Variants in RHBDD1 observed in about 807,000 individuals in gnomAD.
RHBDD1 encodes the protein rhomboid domain containing 1, also known as rhomboid-related protein 4.
A neutral mutation model predicts 36.3 loss-of-function variants in RHBDD1; 38 were observed. The observed-to-expected ratio is 1.05, with a 90% CI of 0.81 to 1.37. RHBDD1 has a LOEUF of 1.37. Ranked by LOEUF, RHBDD1 falls within the 40% of genes most tolerant of loss-of-function variation. The pLI is 0.00. For synonymous variants in RHBDD1, 151 were observed against 136.5 expected, an observed-to-expected ratio of 1.11 and a Z score of -0.74; for missense variants, 393 against 377.6, an observed-to-expected ratio of 1.04 and a Z score of -0.34.
chr2:226,833,795 T>G (rs563343501), upstream of RHBDD1, among the ~76,000 whole-genome samples: 1,121 of 152,334 alleles, frequency 7.4e-3, 12 homozygotes, highest in South Asian at 0.043. Flanking sequence ...TGCTGCTGAT[T>G]GCTTCATATG....
At chr2:226,924,141 G>T (rs1220988960) in intron 8 of RHBDD1, among the ~76,000 whole-genome samples, 1 of 152,132 alleles carries the variant, frequency 6.6e-6, no homozygotes, top group Non-Finnish European at 1.5e-5. Context: ...GCATGTCTCT[G>T]AGTCTCACCC....
chr2:226,926,223 TAAAA>T (rs35951338), intron 8 of RHBDD1, among the ~76,000 whole-genome samples: 1 of 126,716 alleles, frequency 7.9e-6, no homozygotes, highest in Non-Finnish European at 1.8e-5. Context: ...ACTAAGTAAA[TAAAA>T]AAAAAAAAAA....
chr2:226,811,591 C>T, the RHBDD1 span, among the ~76,000 whole-genome samples: 8 of 152,334 alleles, frequency 5.3e-5, no homozygotes, highest in Non-Finnish European at 8.8e-5. Flanking sequence ...GCGTGAGCCA[C>T]CACGCCCAGC....
intron 3 of RHBDD1, among the ~76,000 whole-genome samples, chr2:226,852,256 GTTAAT>G (rs1002552896): frequency 3.3e-5 from 5 of 152,140 alleles, no homozygotes; most frequent in Non-Finnish European, 5.9e-5. Flanking sequence ...CTTTCCCATA[GTTAAT>G]TTAAAGTTCC....
rs963224895 is a variant in RHBDD1, at chr2:226,999,081, T to C, written c.*3559T>C. 1 of 152,248 alleles carries C rather than the reference T, an allele frequency of 6.6e-6. No individual in the cohort carries two copies. Among genetic ancestry groups the C allele is most frequent in the Non-Finnish European group, 1.5e-5 (1 of 68,058 alleles). The allele number at this position is 152,248 out of a possible 1,614,324, so 9.4% of individuals were successfully genotyped here. On this transcript the variant is annotated 3_prime_UTR_variant, in exon 9 of 9. Coordinates refer to ENST00000392062, the MANE Select transcript of RHBDD1 (RefSeq NM_001167608.3). ...CTGGTTATGCTGCAATGAGAGAATGTCTTTGTCTTTAAATTGTAAGCTTCA... is the reference window on the plus strand; with the variant it reads ...CTGGTTATGCTGCAATGAGAGAATGCCTTTGTCTTTAAATTGTAAGCTTCA...
chr2:226,920,676 C>T (rs1949246271), intron 8 of RHBDD1, among the ~76,000 whole-genome samples: 2 of 151,960 alleles, frequency 1.3e-5, no homozygotes, highest in Admixed American at 6.6e-5. Context: ...TATAGTGTAC[C>T]ACATTGATTG....
chr2:226,956,878 AAG>A (rs1438416026), intron 8 of RHBDD1, among the ~76,000 whole-genome samples: 1 of 152,166 alleles, frequency 6.6e-6, no homozygotes, highest in East Asian at 1.9e-4. Flanking sequence ...GTGATGTTTC[AAG>A]GCCAAATCAG....
At chr2:226,834,163 C>T (rs966597482), upstream of RHBDD1, among the ~76,000 whole-genome samples, 11 of 151,928 alleles carry the variant, frequency 7.2e-5, no homozygotes, top group Non-Finnish European at 1.3e-4. Flanking sequence ...ATGTATTATA[C>T]GGACAAGAAA....
chr2:226,937,292 T>C (rs1380137677), intron 8 of RHBDD1, among the ~76,000 whole-genome samples: 2 of 152,188 alleles, frequency 1.3e-5, no homozygotes, highest in Non-Finnish European at 2.9e-5. Flanking sequence ...TTTTATACTA[T>C]GTATCTGTAC....
the RHBDD1 span, among the ~76,000 whole-genome samples, chr2:226,827,604 A>G: frequency 1.3e-5 from 2 of 152,190 alleles, no homozygotes; most frequent in South Asian, 4.1e-4. Context: ...CCATTTACAC[A>G]TTAAGTATTG....
At chr2:226,883,027 C>T (rs1945901407) in intron 5 of RHBDD1, among the ~76,000 whole-genome samples, 1 of 152,184 alleles carries the variant, frequency 6.6e-6, no homozygotes, top group African/African-American at 2.4e-5. Context: ...CCCAAAGACC[C>T]CATCTCTAAA....
chr2:226,979,789 G>C (rs1468072053), intron 8 of RHBDD1, among the ~76,000 whole-genome samples: 1 of 152,206 alleles, frequency 6.6e-6, no homozygotes, highest in Non-Finnish European at 1.5e-5. Flanking sequence ...TGCTTCACCA[G>C]CCATCTAGTC....
chr2:226,812,723 A>G, the RHBDD1 span, among the ~76,000 whole-genome samples: 2 of 152,176 alleles, frequency 1.3e-5, no homozygotes, highest in African/African-American at 2.4e-5. Context: ...TATCTTTGCA[A>G]TAGTTTTTTT....
intron 8 of RHBDD1, among the ~76,000 whole-genome samples, chr2:226,980,299 GCC>G (rs1955417443): frequency 6.6e-6 from 1 of 152,112 alleles, no homozygotes; most frequent in African/African-American, 2.4e-5. Flanking sequence ...CAGAACCCAT[GCC>G]CTACTCTCGT....
Position 226,981,569 on chromosome 2 carries a change from T to TACACAC in RHBDD1, c.857-13849_857-13844dup, listed in dbSNP as rs3055611. On this transcript the variant is annotated intron_variant, in intron 8 of 8. Transcript: ENST00000392062. ...ATGCACTCATCCACATGCACACACATACACACACACACACACACTTTCTCT... is the reference window on the plus strand; with the variant it reads ...ATGCACTCATCCACATGCACACACATACACACACACACACACACACACACTTTCTCT... Among the ~76,000 whole-genome samples the TACACAC allele has an allele frequency of 1.7e-3, 260 of 150,266 alleles. 1 individual carries two copies. Among genetic ancestry groups the TACACAC allele is most frequent in the African/African-American group, 5.8e-3 (238 of 41,016 alleles).
chr2:226,855,575 A>G (rs895088649), intron 3 of RHBDD1, among the ~76,000 whole-genome samples: 3 of 152,216 alleles, frequency 2.0e-5, no homozygotes, highest in Non-Finnish European at 4.4e-5. Context: ...TTAGAGAGAT[A>G]GTCTAATGGT....
At chr2:226,992,803 C>T (rs1266740283) in intron 8 of RHBDD1, among the ~76,000 whole-genome samples, 6 of 152,234 alleles carry the variant, frequency 3.9e-5, no homozygotes, top group East Asian at 1.9e-4. Context: ...CCGATGGCCA[C>T]GTGGGGAAGT....
chr2:226,973,306 A>G (rs944935845), intron 8 of RHBDD1, among the ~76,000 whole-genome samples: 2 of 152,252 alleles, frequency 1.3e-5, no homozygotes, highest in Non-Finnish European at 2.9e-5. Flanking sequence ...TAAGGAAATC[A>G]TTACTCAAAA....
At chr2:226,952,753 A>T (rs1417781611) in intron 8 of RHBDD1, among the ~76,000 whole-genome samples, 1 of 152,234 alleles carries the variant, frequency 6.6e-6, no homozygotes, top group Non-Finnish European at 1.5e-5. Flanking sequence ...GTAAAGAAAG[A>T]TAAGAACCAA....
Sources: gnomAD v4.1 joint callset for allele counts (sites outside exome capture counted in the v4.1 genomes callset) on GRCh38, gnomAD v4.1.1 for gene constraint, MANE v1.5 for transcripts, NCBI Gene and HGNC (gene_info 2026-07-23, HGNC 2026-07-21) for gene names.